Variants in MAF observed in about 807,000 individuals in gnomAD.
The protein encoded by MAF is MAF bZIP transcription factor, also known as transcription factor Maf.
A neutral mutation model predicts 22.0 loss-of-function variants in MAF; 10 were observed. That is an observed-to-expected ratio of 0.45 (90% CI 0.28 to 0.77). The LOEUF (loss-of-function observed/expected upper bound fraction) is 0.77, where lower values mean the gene tolerates loss of function less well. MAF is among the 30% of genes least tolerant of loss of function. The probability of loss-of-function intolerance (pLI) is 0.12; values close to 1 mark genes in which losing one functional copy is unlikely to be tolerated. For synonymous variants in MAF, 337 were observed against 255.8 expected (o/e 1.32, Z -3.03); for missense variants, 544 against 548.4 (o/e 0.99, Z 0.08).
At chr16:79,421,623 A>G in the MAF span, among the ~76,000 whole-genome samples, 8 of 143,976 alleles carry the variant, frequency 5.6e-5, no homozygotes, top group African/African-American at 2.1e-4. Context: ...GACAGTTAGT[A>G]AATGAAGAAA....
chr16:79,391,911 A>AAGGAGG, the MAF span, among the ~76,000 whole-genome samples: 1 of 83,592 alleles, frequency 1.2e-5, no homozygotes, highest in Non-Finnish European at 2.9e-5. Flanking sequence ...GGAGGAGGAG[A>AAGGAGG]AGGAGGAGGA....
At chr16:79,446,742 A>C in the MAF span, among the ~76,000 whole-genome samples, 1 of 98,710 alleles carries the variant, frequency 1.0e-5, no homozygotes, top group African/African-American at 2.6e-5. Context: ...TGAGACACCC[A>C]TCTCTAAAAA....
At chr16:79,419,730 G>C in the MAF span, among the ~76,000 whole-genome samples, 1 of 152,162 alleles carries the variant, frequency 6.6e-6, no homozygotes, top group African/African-American at 2.4e-5. Context: ...CCTAGACCGA[G>C]CTCACCTTGG....
the MAF span, among the ~76,000 whole-genome samples, chr16:79,237,526 G>A: frequency 1.3e-5 from 2 of 152,052 alleles, no homozygotes; most frequent in African/African-American, 2.4e-5. Context: ...TGGTTCTTCT[G>A]GCATAGAGGG....
chr16:79,463,190 A>G, the MAF span, among the ~76,000 whole-genome samples: 5 of 152,352 alleles, frequency 3.3e-5, no homozygotes, highest in Admixed American at 2.6e-4. Flanking sequence ...GCTGGAAAGA[A>G]AAGAGCAAAG....
the MAF span, among the ~76,000 whole-genome samples, chr16:79,506,999 T>C: frequency 6.6e-6 from 1 of 152,190 alleles, no homozygotes; most frequent in Non-Finnish European, 1.5e-5. Context: ...AGACTGCTCT[T>C]ATAAATAAAA....
At chr16:79,581,176 G>A (rs1362380424), downstream of MAF, among the ~76,000 whole-genome samples, 1 of 152,102 alleles carries the variant, frequency 6.6e-6, no homozygotes, top group Non-Finnish European at 1.5e-5. Context: ...GAGAGAAGAG[G>A]AAAAGAAGTA....
chr16:79,265,186 G>A, the MAF span, among the ~76,000 whole-genome samples: 1 of 152,076 alleles, frequency 6.6e-6, no homozygotes, highest in African/African-American at 2.4e-5. Flanking sequence ...TAATTTCATT[G>A]GTCAGTTGAA....
At position 79,599,569 on chromosome 16, in the gene MAF, C is replaced by A. The variant is rs533140349; in HGVS notation, c.334G>T (p.Asp112Tyr). ...TTGCTGATGAGCGCCTCGACCGCGT[C>A]CTCGGGGCTGAAGCCCAGCGCCTCG... ...NPEALGFSPE[D>Y]AVEALISNSH... Residue 112 changes from aspartate (D) to tyrosine (Y), a missense_variant, in exon 1 of 2, where the codon GAC (aspartate) becomes TAC (tyrosine). By Grantham distance (160) the Asp-to-Tyr change is radical. Around this residue, in one of 5 missense-constraint regions of MAF, gnomAD observed 342 missense variants for 315.5 expected, o/e 1.08. Transcript: ENST00000326043. 28 of 1,597,756 alleles carry A rather than the reference C, an allele frequency of 1.8e-5. No individual in the cohort carries two copies. The highest frequency in any genetic ancestry group is 2.1e-5 in the Non-Finnish European group (25 of 1,173,106).
At chr16:79,578,871 T>G in the MAF span, among the ~76,000 whole-genome samples, 1 of 152,138 alleles carries the variant, frequency 6.6e-6, no homozygotes, top group Non-Finnish European at 1.5e-5. Flanking sequence ...GAAATTTATT[T>G]GCAGCAAGCA....
At chr16:79,589,838 G>C (rs1439500092), downstream of MAF, among the ~76,000 whole-genome samples, 1 of 152,206 alleles carries the variant, frequency 6.6e-6, no homozygotes. Flanking sequence ...GGCGCGCTGG[G>C]TGTGGCCGTC....
chr16:79,226,334 A>T, the MAF span, among the ~76,000 whole-genome samples: 1 of 152,130 alleles, frequency 6.6e-6, no homozygotes, highest in Non-Finnish European at 1.5e-5. Context: ...AACATTGAGA[A>T]CACACGGACA....
chr16:79,500,710 G>A, the MAF span, among the ~76,000 whole-genome samples: 1 of 152,228 alleles, frequency 6.6e-6, no homozygotes, highest in South Asian at 2.1e-4. Flanking sequence ...AAGGTACACT[G>A]CATCAGCATC....
At chr16:79,365,866 T>C in the MAF span, among the ~76,000 whole-genome samples, 19 of 152,240 alleles carry the variant, frequency 1.2e-4, no homozygotes, top group African/African-American at 4.6e-4. Context: ...AGACAATGTG[T>C]TTCCGGAAAA....
the MAF span, among the ~76,000 whole-genome samples, chr16:79,391,071 G>A: frequency 6.6e-6 from 1 of 152,086 alleles, no homozygotes; most frequent in Non-Finnish European, 1.5e-5. Context: ...TTATCTGTGG[G>A]CTAACGAGGT....
At chr16:79,285,858 G>A in the MAF span, among the ~76,000 whole-genome samples, 1 of 152,180 alleles carries the variant, frequency 6.6e-6, no homozygotes, top group Non-Finnish European at 1.5e-5. Context: ...TCACAGAAGG[G>A]ACCACTGTTC....
At chr16:79,388,058 T>A in the MAF span, among the ~76,000 whole-genome samples, 1 of 152,256 alleles carries the variant, frequency 6.6e-6, no homozygotes, top group East Asian at 1.9e-4. Context: ...TTCTTTAGAG[T>A]TTATTTTGGA....
chr16:79,407,096 G>A, the MAF span, among the ~76,000 whole-genome samples: 1 of 152,188 alleles, frequency 6.6e-6, no homozygotes, highest in Non-Finnish European at 1.5e-5. Flanking sequence ...CACCAGGGAG[G>A]GTGTCGTCTG....
At chr16:79,295,851 A>C in the MAF span, among the ~76,000 whole-genome samples, 2 of 152,230 alleles carry the variant, frequency 1.3e-5, no homozygotes, top group Non-Finnish European at 2.9e-5. Context: ...CCCGTTTCAC[A>C]GATGAGAAAC....
Sources: allele counts gnomAD v4.1 joint callset (sites outside exome capture counted in the v4.1 genomes callset), GRCh38; gene constraint gnomAD v4.1.1; regional missense constraint gnomAD v4.1.1; transcripts MANE v1.5; gene names NCBI Gene and HGNC (gene_info 2026-07-23, HGNC 2026-07-21).